Variants in ZFAT observed in about 807,000 individuals in gnomAD.
ZFAT encodes the protein zinc finger protein ZFAT.
ZFAT carries 64 observed loss-of-function variants against 117.7 expected under a neutral mutation model. That is an observed-to-expected ratio of 0.54 (90% CI 0.44 to 0.67). The LOEUF (loss-of-function observed/expected upper bound fraction) is 0.67. ZFAT is among the 30% of genes least tolerant of loss of function. ZFAT has a pLI of 0.00. For missense variants in ZFAT, 1,433 were observed against 1,584.5 expected (o/e 0.90, Z 1.62); for synonymous variants, 679 against 615.0 (o/e 1.10, Z -1.54).
Position 134,670,575 on chromosome 8 carries a change from C to A in ZFAT, c.20-12838G>T, listed in dbSNP as rs187201058. Among the ~76,000 whole-genome samples, 1,250 of 152,292 alleles carry A rather than the reference C, an allele frequency of 8.2e-3. 5 individuals carry two copies. Among genetic ancestry groups the A allele is most frequent in the African/African-American group, 0.029 (1,198 of 41,534 alleles). ...CCAATGAGAACAAAGACACAACATA[C>A]CAGAATCTCTGGGACACATTTAAAG... On this transcript the variant is annotated intron_variant, in intron 1 of 15. Coordinates refer to ENST00000377838, the MANE Select transcript of ZFAT (RefSeq NM_020863.4).
chr8:134,790,512 T>C, the ZFAT span, among the ~76,000 whole-genome samples: 1 of 152,172 alleles, frequency 6.6e-6, no homozygotes, highest in Non-Finnish European at 1.5e-5. Flanking sequence ...AGAAGGAAGC[T>C]ACCTGTCCCC....
At chr8:134,638,549 C>CAAAAAAAAAAAAAAAAAAAAAAAAAAA (rs758050176) in intron 2 of ZFAT, among the ~76,000 whole-genome samples, 1 of 101,076 alleles carries the variant, frequency 9.9e-6, no homozygotes, top group African/African-American at 3.7e-5. Context: ...ACTAAAAATA[C>CAAAAAAAAAAAAAAAAAAAAAAAAAAA]AAAAAAAAAA....
the ZFAT span, among the ~76,000 whole-genome samples, chr8:134,808,721 G>A: frequency 6.6e-6 from 1 of 152,148 alleles, no homozygotes. Context: ...TATTTGTACC[G>A]CATGCTCACA....
intron 1 of ZFAT, among the ~76,000 whole-genome samples, chr8:134,700,788 A>G (rs563616441): frequency 6.6e-6 from 1 of 152,156 alleles, no homozygotes; most frequent in Non-Finnish European, 1.5e-5. Flanking sequence ...GCCCAGGCAG[A>G]AGTGACTGGC....
At chr8:134,824,759 A>C in the ZFAT span, among the ~76,000 whole-genome samples, 1 of 152,374 alleles carries the variant, frequency 6.6e-6, no homozygotes, top group Admixed American at 6.5e-5. Flanking sequence ...ACAAAAAATT[A>C]TAATACAGAA....
At chr8:134,579,636 G>A (rs566882798) in intron 10 of ZFAT, among the ~76,000 whole-genome samples, 36 of 152,282 alleles carry the variant, frequency 2.4e-4, no homozygotes, top group African/African-American at 8.4e-4. Flanking sequence ...AAAGCCATAA[G>A]ACTGCGGGGA....
At position 134,608,866 on chromosome 8, in the gene ZFAT, A is replaced by G. The variant is rs1287462764; in HGVS notation, c.648T>C (p.Ile216=). The G allele has an allele frequency of 6.2e-7, 1 of 1,606,380 alleles. No homozygotes were observed. The highest frequency in any genetic ancestry group is 8.5e-7 in the Non-Finnish European group (1 of 1,177,340). Residue 216 remains isoleucine, a synonymous_variant, in exon 5 of 16, where the codon ATT becomes ATC. Coordinates refer to ENST00000377838, the MANE Select transcript of ZFAT (RefSeq NM_020863.4). ...CAGGGGGCCCAGCCTCCACTGGCAC[A>G]ATCTTGGTAGCACCTGAGATTGATG... ...AHEAIPGATK[I]VPVEAGPPET...
Position 134,601,888 on chromosome 8 carries a change from C to A in ZFAT, c.1831G>T (p.Ala611Ser), listed in dbSNP as rs767828727. 2 of 1,613,232 alleles carry A rather than the reference C, an allele frequency of 1.2e-6. No individual in the cohort carries two copies. The highest frequency in any genetic ancestry group is 2.2e-5 in the South Asian group (2 of 90,880). ...NDTSSAEAHA[A>S]PEKPPDMQHR... ...TGCATGTCTGGGGGCTTCTCAGGAG[C>A]AGCATGAGCCTCTGCGGAGGAGGTA... is the stretch of plus-strand genomic sequence containing the variant. The change falls in exon 6 of 16, where the codon GCT becomes TCT. Residue 611 changes from alanine (A) to serine (S), a missense_variant. Coordinates refer to ENST00000377838, the MANE Select transcript of ZFAT (RefSeq NM_020863.4).
chr8:134,524,082 G>A (rs768324281), intron 12 of ZFAT, among the ~76,000 whole-genome samples: 7 of 152,156 alleles, frequency 4.6e-5, no homozygotes, highest in Non-Finnish European at 8.8e-5. Flanking sequence ...TTGCGTCACT[G>A]ACTCTGGGTC....
the ZFAT span, among the ~76,000 whole-genome samples, chr8:134,799,829 T>C: frequency 6.6e-6 from 1 of 152,240 alleles, no homozygotes; most frequent in Admixed American, 6.5e-5. Flanking sequence ...TTATGTCTGC[T>C]TTAAGCATTA....
rs1382101677 is a variant in ZFAT, at chr8:134,503,928, ACACACG to A, written c.3492+5685_3492+5690del. Among the ~76,000 whole-genome samples the A allele has an allele frequency of 1.5e-3, 217 of 148,338 alleles. 1 individual carries two copies. The highest frequency in any genetic ancestry group is 4.9e-3 in the African/African-American group (203 of 41,422). On this transcript the variant is annotated intron_variant, in intron 15 of 15. Transcript: ENST00000377838. Reference sequence around the variant, plus strand: ...CTTTTGAACACAAACACACACACACACACACGCACACGCACACGAACACACACACAC... The same window carrying A: ...CTTTTGAACACAAACACACACACACACACACGCACACGAACACACACACAC...
chr8:134,759,518 C>A, the ZFAT span, among the ~76,000 whole-genome samples: 1 of 151,888 alleles, frequency 6.6e-6, no homozygotes, highest in African/African-American at 2.4e-5. Flanking sequence ...GCAAATCAAA[C>A]CTTTGGTGGA....
At chr8:134,590,403 T>C (rs749579046) in intron 7 of ZFAT, 48 bp from the exon 8 acceptor site, 1 of 1,510,222 alleles carries the variant, frequency 6.6e-7, no homozygotes, top group South Asian at 1.1e-5. Context: ...TTTAAATCTG[T>C]GGTCTGTAAA....
At chr8:134,633,116 G>GA (rs958099803) in intron 3 of ZFAT, among the ~76,000 whole-genome samples, 11 of 144,078 alleles carry the variant, frequency 7.6e-5, no homozygotes, top group South Asian at 6.6e-4. Flanking sequence ...TAATGCAAAA[G>GA]AAAAAAAAAA....
chr8:134,663,848 A>G (rs183129515), intron 1 of ZFAT, among the ~76,000 whole-genome samples: 499 of 152,304 alleles, frequency 3.3e-3, no homozygotes, highest in African/African-American at 0.011. Context: ...CAGACCCAAC[A>G]TGGTTCAGCA....
chr8:134,611,019 A>T (rs1311230874), intron 3 of ZFAT, among the ~76,000 whole-genome samples: 1 of 152,262 alleles, frequency 6.6e-6, no homozygotes. Flanking sequence ...GAAATAAATC[A>T]TTCACTTATT....
the ZFAT span, among the ~76,000 whole-genome samples, chr8:134,747,881 G>T: frequency 6.6e-6 from 1 of 152,196 alleles, no homozygotes; most frequent in Non-Finnish European, 1.5e-5. Context: ...TGGGCTGGTG[G>T]ATAGCCACCT....
At chr8:134,815,535 G>T in the ZFAT span, among the ~76,000 whole-genome samples, 21 of 152,146 alleles carry the variant, frequency 1.4e-4, no homozygotes, top group African/African-American at 5.1e-4. Flanking sequence ...CCCTCCAGTG[G>T]CTTCTCTCTG....
chr8:134,620,493 G>A (rs190121479), intron 3 of ZFAT, among the ~76,000 whole-genome samples: 1 of 152,344 alleles, frequency 6.6e-6, no homozygotes, highest in Non-Finnish European at 1.5e-5. Context: ...TCAATGGTGT[G>A]CCCAGCTCTT....
Sources: gnomAD v4.1 joint callset for allele counts (sites outside exome capture counted in the v4.1 genomes callset) on GRCh38, gnomAD v4.1.1 for gene constraint, MANE v1.5 for transcripts, NCBI Gene and HGNC (gene_info 2026-07-23, HGNC 2026-07-21) for gene names.